RAD9A: variants seen among roughly 807,000 people sequenced by gnomAD.
RAD9A encodes the protein cell cycle checkpoint control protein RAD9A.
In RAD9A, 25 loss-of-function variants were observed where a neutral mutation model predicts 41.2. The ratio of observed to expected loss-of-function variants is 0.61; its 90% CI spans 0.44 to 0.85. The LOEUF is 0.85. Ranked by LOEUF, RAD9A falls within the 40% of genes least tolerant of loss-of-function variation. RAD9A has a pLI of 0.00. For missense variants in RAD9A, 514 were observed against 518.3 expected (o/e 0.99, Z 0.08); for synonymous variants, 252 against 210.6 (o/e 1.20, Z -1.70).
intron 9 of RAD9A, among the ~76,000 whole-genome samples, chr11:67,396,874 C>T (rs1454856596): frequency 6.6e-6 from 1 of 152,136 alleles, no homozygotes; most frequent in Non-Finnish European, 1.5e-5. Context: ...AAGGTGGGGG[C>T]TTGGGCTCCA....
chr11:67,393,318 C>A, intron 3 of RAD9A, 178 bp from the exon 4 acceptor site: 2 of 1,341,020 alleles, frequency 1.5e-6, no homozygotes, highest in South Asian at 4.0e-5. Flanking sequence ...TCTTTCAAGG[C>A]ATTCCAAGCA....
At chr11:67,394,526 A>G (rs1565116785) in intron 5 of RAD9A, among the ~76,000 whole-genome samples, 1 of 151,994 alleles carries the variant, frequency 6.6e-6, no homozygotes, top group Middle Eastern at 3.2e-3. Flanking sequence ...GGGTCCTGAC[A>G]TCTGTTTCCC....
In RAD9A at chr11:67,397,254, T is replaced by C. The variant is rs200201923; in HGVS notation, c.948T>C (p.Asn316=). The C allele has an allele frequency of 3.6e-4, 584 of 1,613,106 alleles. No homozygotes were observed. The highest frequency in any genetic ancestry group is 8.5e-4 in the East Asian group (38 of 44,852). Residue 316 remains asparagine, a synonymous_variant, in exon 10 of 11, where the codon AAT becomes AAC. Coordinates refer to ENST00000307980, the MANE Select transcript of RAD9A (RefSeq NM_004584.3). ...TCGCCATGGAAACCACTATAGGCAA[T>C]GAGGGCTCGCGGGTGCTGCCCTCCA... The part of the protein sequence containing the change: ...YMIAMETTIG[N]EGSRVLPSIS...
intron 5 of RAD9A, among the ~76,000 whole-genome samples, chr11:67,394,702 G>A (rs756047073): frequency 2.7e-5 from 4 of 148,800 alleles, no homozygotes; most frequent in Non-Finnish European, 5.9e-5. Flanking sequence ...CACAACCTCC[G>A]CCTCCCGATA....
rs762485460 is a variant in RAD9A, at chr11:67,397,198, T to TTTGCCAATGACGACA, written c.896_910dup (p.Ala299_Ile303dup). 4 of 1,613,606 alleles carry TTTGCCAATGACGACA rather than the reference T, an allele frequency of 2.5e-6. No individual in the cohort carries two copies. In the Admixed American group the frequency reaches 6.7e-5, roughly 27 times the overall value. ...CTACAGCACACCCCACCCGGACGAC[T>TTTGCCAATGACGACA]TTGCCAATGACGACATTGACTCTTA... On this transcript the variant is annotated inframe_insertion, in exon 10 of 11. Coordinates refer to ENST00000307980, the MANE Select transcript of RAD9A (RefSeq NM_004584.3).
rs1248215516 is a variant in RAD9A at position 67,392,198 on chromosome 11, G to A, written c.72G>A (p.Gly24=). The A allele has an allele frequency of 1.2e-6, 2 of 1,612,060 alleles. No homozygotes were observed. Among genetic ancestry groups the A allele is most frequent in the Non-Finnish European group, 8.5e-7 (1 of 1,179,672 alleles). ...GKAVHSLSRI[G]DELYLEPLED... ...CCGTCCACTCCCTGTCCCGCATCGG[G>A]GACGAGCTCTACCTGGAACCCTTGG... Residue 24 remains glycine (G), a synonymous_variant, in exon 2 of 11, where the codon GGG becomes GGA. Coordinates refer to ENST00000307980, the MANE Select transcript of RAD9A (RefSeq NM_004584.3).
chr11:67,397,679 T>G lies in RAD9A; in HGVS notation c.*120T>G. The G allele has an allele frequency of 5.4e-6, 5 of 927,012 alleles. No individual in the cohort carries two copies. The highest frequency in any genetic ancestry group is 8.0e-6 in the Non-Finnish European group (5 of 626,448). The allele number at this position is 927,012 out of a possible 1,614,324, so 57.4% of individuals were successfully genotyped here. A position where few individuals can be genotyped will look rare whatever the true frequency, so the allele number is the denominator to read the frequency against. On this transcript the variant is annotated 3_prime_UTR_variant, in exon 11 of 11. Coordinates refer to ENST00000307980, the MANE Select transcript of RAD9A (RefSeq NM_004584.3). ...GTGGGCTTGCTGGAGCTGAGCTGTTTCACTGCCTCTCGCAGGCCCCAGCTG... is the reference window on the plus strand; with the variant it reads ...GTGGGCTTGCTGGAGCTGAGCTGTTGCACTGCCTCTCGCAGGCCCCAGCTG...
chr11:67,397,246 A>G lies in RAD9A; in HGVS notation c.940A>G (p.Ile314Val). The G allele has an allele frequency of 1.2e-6, 2 of 1,613,342 alleles. No homozygotes were observed. The highest frequency in any genetic ancestry group is 1.7e-6 in the Non-Finnish European group (2 of 1,179,666). ...TTACATGATCGCCATGGAAACCACTATAGGCAATGAGGGCTCGCGGGTGCT... is the reference window on the plus strand; with the variant it reads ...TTACATGATCGCCATGGAAACCACTGTAGGCAATGAGGGCTCGCGGGTGCT... ...DSYMIAMETT[I>V]GNEGSRVLPS... Residue 314 changes from isoleucine to valine, a missense_variant, in exon 10 of 11, where the codon ATA (isoleucine) becomes GTA (valine). Ile to Val is a conservative substitution (Grantham distance 29). Around this residue, in one of 3 missense-constraint regions of RAD9A, gnomAD observed 216 missense variants for 184.2 expected, o/e 1.17. Transcript: ENST00000307980.
chr11:67,394,939 G>T (rs1862634589), intron 5 of RAD9A, among the ~76,000 whole-genome samples: 1 of 151,838 alleles, frequency 6.6e-6, no homozygotes, highest in Non-Finnish European at 1.5e-5. Flanking sequence ...ATGAGCAATT[G>T]TTTCTCTCGT....
Position 67,396,338 on chromosome 11 carries a change from G to A in RAD9A, c.810G>A (p.Ser270=), listed in dbSNP as rs750713514. The A allele has an allele frequency of 1.1e-5, 17 of 1,613,780 alleles. No individual in the cohort carries two copies. The highest frequency in any genetic ancestry group is 2.2e-5 in the East Asian group (1 of 44,898). ...FVLATLSDTD[S]HSQDLGSPER... is the part of the protein sequence containing the mutation. ...TGGCCACACTCTCAGACACCGACTC[G>A]CACTCCCAGGACCTGGGCTCCCCAG... Residue 270 remains serine (S), a synonymous_variant, in exon 9 of 11, where the codon TCG becomes TCA. Transcript: ENST00000307980.
At position 67,398,106 on chromosome 11, in the gene RAD9A, C is replaced by T. The variant is rs575670879; in HGVS notation, c.*547C>T. The stretch of plus-strand genomic sequence containing the variant: ...GGCTAGGGTTGCCCTGGCTGGGGCC[C>T]GGTGCCGAGACTCCCAAGCGGCTCT... On this transcript the variant is annotated 3_prime_UTR_variant, in exon 11 of 11. Coordinates refer to ENST00000307980, the MANE Select transcript of RAD9A (RefSeq NM_004584.3). The T allele has an allele frequency of 3.8e-4, 78 of 206,312 alleles. No individual in the cohort carries two copies. The highest frequency in any genetic ancestry group is 1.4e-3 in the African/African-American group (59 of 42,776). 12.8% of individuals were successfully genotyped at this position (206,312 alleles called of 1,614,324 possible).
chr11:67,392,494 G>A (rs971448348), intron 2 of RAD9A, among the ~76,000 whole-genome samples, 160 bp from the exon 3 acceptor site: 1 of 152,232 alleles, frequency 6.6e-6, no homozygotes, highest in Non-Finnish European at 1.5e-5. Context: ...CAGCAGCGCC[G>A]GGGCCGACTC....
intron 3 of RAD9A, 147 bp downstream of exon 3, chr11:67,392,929 A>G (rs891863939): frequency 1.7e-6 from 2 of 1,174,876 alleles, no homozygotes; most frequent in Non-Finnish European, 2.4e-6. Context: ...GGGCCATGGT[A>G]AAAGCATCAC....
intron 5 of RAD9A, 76 bp downstream of exon 5, chr11:67,393,866 G>A: frequency 8.5e-7 from 1 of 1,179,430 alleles, no homozygotes; most frequent in Non-Finnish European, 1.2e-6. Flanking sequence ...GTTGATTTTA[G>A]AAGGTACCTC....
Position 67,397,735 on chromosome 11 carries a change from C to A in RAD9A, c.*176C>A. On this transcript the variant is annotated 3_prime_UTR_variant, in exon 11 of 11. Coordinates refer to ENST00000307980, the MANE Select transcript of RAD9A (RefSeq NM_004584.3). ...CACTGTAAAGCTGTCCCACAGCGGT[C>A]GGGCCTGGGCCGTTATCTCCCCACA... 2 of 627,178 alleles carry A rather than the reference C, an allele frequency of 3.2e-6. No homozygotes were observed. Among genetic ancestry groups the A allele is most frequent in the Non-Finnish European group, 2.7e-6 (1 of 367,132 alleles). 38.9% of individuals were successfully genotyped at this position (627,178 alleles called of 1,614,324 possible).
At position 67,395,775 on chromosome 11, in the gene RAD9A, T is replaced by C. The variant is rs749097133; in HGVS notation, c.509T>C (p.Ile170Thr). ...GCACTGGCTGAAGTGACGCTGGGCATTGGCCGTGGCCGCAGGGTCATCCTG... is the reference window on the plus strand; with the variant it reads ...GCACTGGCTGAAGTGACGCTGGGCACTGGCCGTGGCCGCAGGGTCATCCTG... ...SPALAEVTLG[I>T]GRGRRVILRS... is the part of the protein sequence containing the mutation. Residue 170 changes from isoleucine (I) to threonine (T), a missense_variant, in exon 6 of 11, where the codon ATT (isoleucine) becomes ACT (threonine). Transcript: ENST00000307980. The C allele has an allele frequency of 1.2e-6, 2 of 1,613,760 alleles. No homozygotes were observed. The highest frequency in any genetic ancestry group is 1.7e-5 in the Admixed American group (1 of 59,954).
At position 67,395,853 on chromosome 11, in the gene RAD9A, AG is replaced by A. The variant is rs746337218; in HGVS notation, c.559+29del. ...GAGGGGGCTGGACGTGGCCTGGGAC[AG>A]CAGAGTGGCAGGTGGGAGAGGGGCG... On this transcript the variant is annotated intron_variant, in intron 6 of 10. Coordinates refer to ENST00000307980, the MANE Select transcript of RAD9A (RefSeq NM_004584.3). 30 of 1,613,166 alleles carry A rather than the reference AG, an allele frequency of 1.9e-5. No individual in the cohort carries two copies. In the African/African-American group the frequency reaches 4.0e-4, roughly 21 times the overall value.
chr11:67,398,380 A>C lies in RAD9A; in HGVS notation c.*821A>C. The C allele has an allele frequency of 2.7e-6, 2 of 738,286 alleles. No homozygotes were observed. Among genetic ancestry groups the C allele is most frequent in the Non-Finnish European group, 2.2e-6 (1 of 461,398 alleles). 45.7% of individuals were successfully genotyped at this position (738,286 alleles called of 1,614,324 possible). On this transcript the variant is annotated 3_prime_UTR_variant, in exon 11 of 11. Coordinates refer to ENST00000307980, the MANE Select transcript of RAD9A (RefSeq NM_004584.3). The stretch of plus-strand genomic sequence containing the variant: ...CAGCCCTGGGGGACTGGACGCTGCT[A>C]TTGATTCATTAAAAAAAGAAAAGAA...
At chr11:67,396,661 C>T (rs376859156) in intron 9 of RAD9A, among the ~76,000 whole-genome samples, 3 of 152,122 alleles carry the variant, frequency 2.0e-5, no homozygotes, top group East Asian at 1.9e-4. Context: ...TGGCTGAGGC[C>T]GCCCCTCTGA....
Sources: allele counts gnomAD v4.1 joint callset (sites outside exome capture counted in the v4.1 genomes callset), GRCh38; gene constraint gnomAD v4.1.1; regional missense constraint gnomAD v4.1.1; transcripts MANE v1.5; gene names NCBI Gene and HGNC (gene_info 2026-07-23, HGNC 2026-07-21).